DEPDC1B: variants seen among roughly 807,000 people sequenced by gnomAD.
DEPDC1B encodes the protein DEP domain-containing protein 1B.
In DEPDC1B, 51 loss-of-function variants were observed where a neutral mutation model predicts 66.5. The observed-to-expected ratio is 0.77, with a 90% CI of 0.61 to 0.97. DEPDC1B has a LOEUF of 0.97. Ranked by LOEUF, DEPDC1B falls within the 50% of genes least tolerant of loss-of-function variation. The pLI, the probability that DEPDC1B is intolerant of heterozygous loss-of-function variation, is 0.00. For missense variants in DEPDC1B, 552 were observed against 637.1 expected (o/e 0.87, Z 1.44); for synonymous variants, 226 against 223.6 (o/e 1.01, Z -0.10).
intron 7 of DEPDC1B, chr5:60,630,832 T>A (rs1254353968): frequency 3.2e-5 from 5 of 157,008 alleles, no homozygotes. Context: ...CATCTGTACC[T>A]AGCAGAATAT....
intron 7 of DEPDC1B, among the ~76,000 whole-genome samples, chr5:60,612,594 T>A (rs1039815297): frequency 1.3e-5 from 2 of 151,476 alleles, no homozygotes; most frequent in Admixed American, 6.6e-5. Flanking sequence ...TCCTGATTTT[T>A]ATGCTTGTCT....
At chr5:60,668,200 G>T (rs1271092843) in intron 2 of DEPDC1B, among the ~76,000 whole-genome samples, 1 of 31,388 alleles carries the variant, frequency 3.2e-5, no homozygotes, top group Non-Finnish European at 6.2e-5. Flanking sequence ...TATATAAAAT[G>T]GATATTTTAT....
At chr5:60,622,175 T>G (rs1347523659) in intron 7 of DEPDC1B, among the ~76,000 whole-genome samples, 2 of 152,112 alleles carry the variant, frequency 1.3e-5, no homozygotes, top group African/African-American at 4.8e-5. Context: ...AGCACAACAA[T>G]GAAAATATAA....
chr5:60,598,841 G>A (rs1337589399), intron 10 of DEPDC1B, among the ~76,000 whole-genome samples: 1 of 152,048 alleles, frequency 6.6e-6, no homozygotes, highest in Non-Finnish European at 1.5e-5. Flanking sequence ...TTAGAGAATA[G>A]CTCCAAAAAT....
rs1584104545 is a variant in DEPDC1B, at chr5:60,687,499, T to C, written c.49-272A>G. 2.0e-5 allele frequency among the ~76,000 whole-genome samples: 3 copies of C among 152,032 alleles called. No homozygotes were observed. The South Asian group carries it at 6.2e-4, about 32-fold the overall frequency. Reference sequence around the variant, plus strand: ...ACAGTTAAAATAGTTTTATATTATATATATTTTACCATAATTAAAACAAAA... The same window carrying C: ...ACAGTTAAAATAGTTTTATATTATACATATTTTACCATAATTAAAACAAAA... On this transcript the variant is annotated intron_variant, in intron 1 of 10. Transcript: ENST00000265036.
chr5:60,696,203 A>G (rs1754651453), intron 1 of DEPDC1B, among the ~76,000 whole-genome samples: 2 of 152,144 alleles, frequency 1.3e-5, no homozygotes, highest in Admixed American at 1.3e-4. Context: ...GCATTCTCCC[A>G]CACAGGAAAA....
At chr5:60,656,045 A>G (rs1045108538) in intron 2 of DEPDC1B, among the ~76,000 whole-genome samples, 3 of 151,768 alleles carry the variant, frequency 2.0e-5, no homozygotes, top group Non-Finnish European at 2.9e-5. Context: ...CATATGGTCT[A>G]TCTTGGAGAA....
At chr5:60,676,201 A>C (rs1277687908) in intron 2 of DEPDC1B, among the ~76,000 whole-genome samples, 1 of 150,212 alleles carries the variant, frequency 6.7e-6, no homozygotes, top group Non-Finnish European at 1.5e-5. Context: ...AAGTGCTGCG[A>C]CTACAGGCGT....
At chr5:60,637,410 C>G (rs916689426) in intron 7 of DEPDC1B, among the ~76,000 whole-genome samples, 1 of 152,194 alleles carries the variant, frequency 6.6e-6, no homozygotes, top group Non-Finnish European at 1.5e-5. Context: ...TGCCTTCTGC[C>G]ATGAGTAAAA....
In DEPDC1B at chr5:60,603,470, T is replaced by C. The variant is rs1399074493; in HGVS notation, c.1163A>G (p.Asn388Ser). 15 of 1,612,996 alleles carry C rather than the reference T, an allele frequency of 9.3e-6. No homozygotes were observed. The highest frequency in any genetic ancestry group is 1.6e-4 in the Middle Eastern group (1 of 6,080). Residue 388 changes from asparagine (N) to serine (S), a missense_variant, in exon 9 of 11, where the codon AAT becomes AGT. Physicochemically the swap from Asn to Ser is conservative, Grantham distance 46. Transcript: ENST00000265036. Reference protein sequence around the residue: ...AARLVTFLMDNYQEILKVPLA... With the variant: ...AARLVTFLMDSYQEILKVPLA... ...AGGGACTTTCAGAATTTCCTGGTAA[T>C]TGTCCATCAGAAACGTTACCAATCT...
intron 7 of DEPDC1B, 146 bp from the exon 8 acceptor site, chr5:60,606,002 C>A: frequency 1.5e-6 from 1 of 649,462 alleles, no homozygotes; most frequent in South Asian, 3.1e-5. Context: ...GAATATAGAT[C>A]CATTGTCACT....
chr5:60,677,324 ACACT>A (rs1326178214), intron 2 of DEPDC1B, among the ~76,000 whole-genome samples: 24 of 78,822 alleles, frequency 3.0e-4, no homozygotes, highest in East Asian at 2.5e-3. Context: ...ACACACACAC[ACACT>A]CTCTCTCTCT....
At chr5:60,601,102 T>C (rs1438237815) in intron 9 of DEPDC1B, among the ~76,000 whole-genome samples, 4 of 152,246 alleles carry the variant, frequency 2.6e-5, no homozygotes, top group Non-Finnish European at 5.9e-5. Context: ...TGATTGTAAG[T>C]TTCCTGGGGC....
chr5:60,607,509 G>A (rs952197323), intron 7 of DEPDC1B, among the ~76,000 whole-genome samples: 3 of 152,120 alleles, frequency 2.0e-5, no homozygotes, highest in African/African-American at 7.2e-5. Flanking sequence ...TCCAGGAACT[G>A]TATTAGGAGG....
chr5:60,659,556 C>A (rs146867108), intron 2 of DEPDC1B, among the ~76,000 whole-genome samples: 188 of 152,316 alleles, frequency 1.2e-3, no homozygotes, highest in Middle Eastern at 0.01. Flanking sequence ...AAGCCAAGGG[C>A]TGACTAGTAG....
At chr5:60,675,680 C>G (rs116296156) in intron 2 of DEPDC1B, among the ~76,000 whole-genome samples, 1,740 of 152,290 alleles carry the variant, frequency 0.011, 40 homozygotes, top group African/African-American at 0.039. Flanking sequence ...CAGGGTCTAG[C>G]CTGAAATTTG....
At chr5:60,681,183 C>T (rs1302092317) in intron 2 of DEPDC1B, among the ~76,000 whole-genome samples, 1 of 152,110 alleles carries the variant, frequency 6.6e-6, no homozygotes, top group Non-Finnish European at 1.5e-5. Context: ...CAGACCAGCC[C>T]ACCCAGGCCC....
chr5:60,605,314 A>T (rs979342729), intron 8 of DEPDC1B, among the ~76,000 whole-genome samples: 34 of 152,348 alleles, frequency 2.2e-4, no homozygotes, highest in African/African-American at 7.9e-4. Context: ...TAATGATCTC[A>T]TTACAAAAAA....
intron 7 of DEPDC1B, among the ~76,000 whole-genome samples, chr5:60,614,796 G>C (rs989754995): frequency 6.6e-6 from 1 of 152,088 alleles, no homozygotes; most frequent in Non-Finnish European, 1.5e-5. Flanking sequence ...TTCGAGACCA[G>C]CCTGGCCAAC....
Sources: gnomAD v4.1 joint callset for allele counts (sites outside exome capture counted in the v4.1 genomes callset) on GRCh38, gnomAD v4.1.1 for gene constraint, MANE v1.5 for transcripts, NCBI Gene and HGNC (gene_info 2026-07-23, HGNC 2026-07-21) for gene names.